Variants in ADAM32 observed in about 807,000 individuals in gnomAD.
The protein encoded by ADAM32 is ADAM metallopeptidase domain 32.
A neutral mutation model predicts 114.9 loss-of-function variants in ADAM32; 89 were observed. That is an observed-to-expected ratio of 0.77 (90% CI 0.65 to 0.92). ADAM32 has a LOEUF of 0.92. Ranked by LOEUF, ADAM32 falls within the 40% of genes least tolerant of loss-of-function variation. The pLI, the probability that ADAM32 is intolerant of heterozygous loss-of-function variation, is 0.00. For synonymous variants in ADAM32, 285 were observed against 307.5 expected, an observed-to-expected ratio of 0.93 and a Z score of 0.77; for missense variants, 870 against 932.8, an observed-to-expected ratio of 0.93 and a Z score of 0.88.
chr8:39,263,594 G>A (rs984776167), intron 19 of ADAM32, among the ~76,000 whole-genome samples: 9 of 152,062 alleles, frequency 5.9e-5, no homozygotes, highest in Admixed American at 5.2e-4. Flanking sequence ...TACATATCCT[G>A]AAATTCATTA....
At chr8:39,123,300 A>T (rs562032466) in intron 2 of ADAM32, among the ~76,000 whole-genome samples, 12 of 152,162 alleles carry the variant, frequency 7.9e-5, no homozygotes, top group Non-Finnish European at 1.8e-4. Context: ...TTCATTATTC[A>T]TCTTTTCCAA....
At chr8:39,226,931 A>C (rs962903100) in intron 14 of ADAM32, among the ~76,000 whole-genome samples, 1 of 152,242 alleles carries the variant, frequency 6.6e-6, no homozygotes, top group Admixed American at 6.5e-5. Flanking sequence ...AACTACTGAA[A>C]TAATTATTAC....
chr8:39,273,529 A>AAAAACAAACAAAC (rs139634866), intron 20 of ADAM32, among the ~76,000 whole-genome samples: 113 of 150,942 alleles, frequency 7.5e-4, no homozygotes, highest in Non-Finnish European at 1.2e-3. Context: ...TCCACCTCAA[A>AAAAACAAACAAAC]AAACAAACAA....
intron 11 of ADAM32, among the ~76,000 whole-genome samples, chr8:39,196,068 G>A (rs1806965863): frequency 6.6e-6 from 1 of 151,968 alleles, no homozygotes; most frequent in African/African-American, 2.4e-5. Context: ...CCTTGGTTCA[G>A]TTTATTTCTA....
chr8:39,226,518 T>C (rs1267503129), intron 14 of ADAM32, among the ~76,000 whole-genome samples: 1 of 151,900 alleles, frequency 6.6e-6, no homozygotes, highest in Non-Finnish European at 1.5e-5. Flanking sequence ...TATAATGACA[T>C]TTTGAAAGAA....
chr8:39,276,645 C>A (rs570822504), intron 22 of ADAM32, among the ~76,000 whole-genome samples: 34 of 152,264 alleles, frequency 2.2e-4, no homozygotes, highest in African/African-American at 8.2e-4. Flanking sequence ...TTCTTTTGTT[C>A]CAGAAGAAAT....
chr8:39,125,675 T>C (rs1001201108), intron 2 of ADAM32, among the ~76,000 whole-genome samples: 1 of 152,220 alleles, frequency 6.6e-6, no homozygotes, highest in Non-Finnish European at 1.5e-5. Context: ...GCTTTTTAGT[T>C]TAATTAGATC....
At chr8:39,176,228 C>T (rs554093406) in intron 10 of ADAM32, among the ~76,000 whole-genome samples, 1 of 152,070 alleles carries the variant, frequency 6.6e-6, no homozygotes, top group Non-Finnish European at 1.5e-5. Context: ...CTTCTGCTAG[C>T]TTTGGGGTTC....
chr8:39,125,751 T>C (rs1294001661), intron 2 of ADAM32, among the ~76,000 whole-genome samples: 1 of 152,218 alleles, frequency 6.6e-6, no homozygotes, highest in Non-Finnish European at 1.5e-5. Flanking sequence ...TCCATACCTT[T>C]GTCCTGAATT....
chr8:39,217,129 G>T (rs756404488), intron 12 of ADAM32, among the ~76,000 whole-genome samples: 2 of 150,754 alleles, frequency 1.3e-5, no homozygotes, highest in South Asian at 2.1e-4. Flanking sequence ...TTTTTTACCA[G>T]ATATGCTATC....
chr8:39,114,762 G>C (rs1840307181), intron 1 of ADAM32, among the ~76,000 whole-genome samples: 1 of 152,104 alleles, frequency 6.6e-6, no homozygotes, highest in Non-Finnish European at 1.5e-5. Context: ...GTGCAGGTTT[G>C]TTACATGGGT....
chr8:39,282,697 G>C (rs937166805), intron 23 of ADAM32, among the ~76,000 whole-genome samples: 5 of 151,874 alleles, frequency 3.3e-5, no homozygotes, highest in African/African-American at 1.2e-4. Flanking sequence ...TAGTATTTTT[G>C]TTGCCGTTGG....
Position 39,183,024 on chromosome 8 carries a change from T to C in ADAM32, c.916-3885T>C, listed in dbSNP as rs114067010. ...TCCGTGGTCTAGTGAGACCACTGGC[T>C]GGACTCTAACATCAGGTGGGGATAC... is the stretch of plus-strand genomic sequence containing the variant. On this transcript the variant is annotated intron_variant, in intron 10 of 24. Transcript: ENST00000379907. Among the ~76,000 whole-genome samples the C allele has an allele frequency of 5.4e-3, 817 of 152,306 alleles. 10 individuals carry two copies. Among genetic ancestry groups the C allele is most frequent in the African/African-American group, 0.019 (781 of 41,542 alleles).
At chr8:39,259,960 G>C (rs907295812) in intron 19 of ADAM32, among the ~76,000 whole-genome samples, 39 of 152,114 alleles carry the variant, frequency 2.6e-4, no homozygotes, top group African/African-American at 8.4e-4. Context: ...TTATGTGTGT[G>C]TATAGTATTA....
At chr8:39,197,480 C>A (rs972319008) in intron 11 of ADAM32, among the ~76,000 whole-genome samples, 4 of 151,688 alleles carry the variant, frequency 2.6e-5, no homozygotes, top group African/African-American at 9.7e-5. Context: ...CTTAGTACTT[C>A]TTTTGTGTAT....
chr8:39,186,317 G>T (rs1293985395), intron 10 of ADAM32, among the ~76,000 whole-genome samples: 1 of 152,156 alleles, frequency 6.6e-6, no homozygotes, highest in Non-Finnish European at 1.5e-5. Context: ...TGCATACCAT[G>T]AATTACCAAT....
At chr8:39,200,986 TCTGTTTTGGTACCAGTATCATG>T (rs1807359398) in intron 11 of ADAM32, among the ~76,000 whole-genome samples, 1 of 152,200 alleles carries the variant, frequency 6.6e-6, no homozygotes, top group Non-Finnish European at 1.5e-5. Context: ...GGTCTATATC[TCTGTTTTGGTACCAGTATCATG>T]CTGTTTTGGT....
At chr8:39,144,554 T>C (rs1803380816) in intron 3 of ADAM32, among the ~76,000 whole-genome samples, 2 of 152,244 alleles carry the variant, frequency 1.3e-5, no homozygotes, top group Admixed American at 6.5e-5. Flanking sequence ...GGAAATATCC[T>C]GATGGCAGTT....
At chr8:39,152,720 C>CTAAAAAAAAA (rs1803910075) in intron 6 of ADAM32, among the ~76,000 whole-genome samples, 1 of 136,856 alleles carries the variant, frequency 7.3e-6, no homozygotes, top group African/African-American at 3.1e-5. Flanking sequence ...GACTCCATCT[C>CTAAAAAAAAA]AAAAAAAAAA....
Sources: gnomAD v4.1 joint callset for allele counts (sites outside exome capture counted in the v4.1 genomes callset) on GRCh38, gnomAD v4.1.1 for gene constraint, MANE v1.5 for transcripts, NCBI Gene and HGNC (gene_info 2026-07-23, HGNC 2026-07-21) for gene names.